SSBP3: variants seen among roughly 807,000 people sequenced by gnomAD.
The protein encoded by SSBP3 is single-stranded DNA-binding protein 3.
In SSBP3, 5 loss-of-function variants were observed where a neutral mutation model predicts 69.6. The ratio of observed to expected loss-of-function variants is 0.07; its 90% CI spans 0.04 to 0.15. The LOEUF (loss-of-function observed/expected upper bound fraction) is 0.15, where lower values mean the gene tolerates loss of function less well. Ranked by LOEUF, SSBP3 falls within the 10% of genes least tolerant of loss-of-function variation. The pLI, the probability that SSBP3 is intolerant of heterozygous loss-of-function variation, is 1.00. For synonymous variants in SSBP3, 196 were observed against 193.4 expected (o/e 1.01, Z -0.11); for missense variants, 312 against 534.0 (o/e 0.58, Z 4.10).
intron 5 of SSBP3, among the ~76,000 whole-genome samples, chr1:54,264,329 G>A (rs1383576620): frequency 6.6e-6 from 1 of 152,078 alleles, no homozygotes; most frequent in Admixed American, 6.5e-5. Flanking sequence ...ACCAAACCAA[G>A]AACAAAATAA....
At chr1:54,402,238 T>C (rs1292124139) in intron 3 of SSBP3, among the ~76,000 whole-genome samples, 1 of 152,206 alleles carries the variant, frequency 6.6e-6, no homozygotes, top group East Asian at 1.9e-4. Flanking sequence ...GGCAATTTTC[T>C]CTCCACTTTA....
intron 12 of SSBP3, 128 bp from the exon 13 acceptor site, chr1:54,241,087 A>C: frequency 1.0e-6 from 1 of 1,001,618 alleles, no homozygotes; most frequent in Non-Finnish European, 1.5e-6. Flanking sequence ...ATCTTGCTAC[A>C]CCCCCAGCGC....
At chr1:54,240,085 TGTGCGCGCGCGCGCGTGTGCGTGCGC>T (rs1314859416) in intron 13 of SSBP3, among the ~76,000 whole-genome samples, 32 of 38,566 alleles carry the variant, frequency 8.3e-4, no homozygotes, top group East Asian at 5.4e-3. Flanking sequence ...TGTGTGTGTG[TGTGCGCGCGCGCGCGTGTGCGTGCGC>T]GCGCGCGCGC....
chr1:54,288,802 A>G (rs1180481610), intron 4 of SSBP3, among the ~76,000 whole-genome samples: 1 of 152,000 alleles, frequency 6.6e-6, no homozygotes, highest in Admixed American at 6.6e-5. Flanking sequence ...GCGGATCACA[A>G]GGTCAGGAGA....
intron 4 of SSBP3, among the ~76,000 whole-genome samples, chr1:54,397,314 T>C (rs1251518281): frequency 6.6e-6 from 1 of 152,198 alleles, no homozygotes; most frequent in African/African-American, 2.4e-5. Flanking sequence ...GGACACTCCC[T>C]GCCTGGCAGG....
chr1:54,325,959 C>G (rs1199003817), intron 4 of SSBP3, among the ~76,000 whole-genome samples: 3 of 151,000 alleles, frequency 2.0e-5, no homozygotes, highest in Non-Finnish European at 4.4e-5. Flanking sequence ...CTCCCCCCCG[C>G]CACCCCCCAC....
intron 4 of SSBP3, among the ~76,000 whole-genome samples, chr1:54,289,444 A>G (rs1645565487): frequency 6.6e-6 from 1 of 152,116 alleles, no homozygotes; most frequent in African/African-American, 2.4e-5. Flanking sequence ...CATCAGATGC[A>G]TCAGCAAACA....
chr1:54,410,496 C>T (rs1313343092), upstream of SSBP3, among the ~76,000 whole-genome samples: 1 of 152,202 alleles, frequency 6.6e-6, no homozygotes, highest in East Asian at 1.9e-4. Context: ...CCGCTGGGGG[C>T]TGTTTCAGTG....
upstream of SSBP3, among the ~76,000 whole-genome samples, chr1:54,407,152 CG>C (rs1030949725): frequency 1.4e-5 from 2 of 147,354 alleles, no homozygotes; most frequent in Admixed American, 6.7e-5. Flanking sequence ...TTTGGGGAGC[CG>C]GGGGGGAGGG....
At chr1:54,330,653 G>A (rs535102717) in intron 4 of SSBP3, among the ~76,000 whole-genome samples, 6 of 152,298 alleles carry the variant, frequency 3.9e-5, no homozygotes, top group Non-Finnish European at 7.3e-5. Context: ...GTGAGGACAC[G>A]GGCTCTACCT....
At chr1:54,237,181 CG>C (rs1431431733) in intron 14 of SSBP3, 2 of 152,296 alleles carry the variant, frequency 1.3e-5, no homozygotes, top group African/African-American at 4.8e-5. Context: ...TTGACGCACT[CG>C]GAAGCACGAA....
At chr1:54,406,059 G>GCCA in exon 1 of SSBP3, 1 of 1,407,180 alleles carries the variant, frequency 7.1e-7, no homozygotes, top group Non-Finnish European at 9.4e-7. Context: ...CGCCGCCGCC[G>GCCA]CTACCGCTCC....
chr1:54,281,761 C>T (rs557550329), intron 4 of SSBP3, among the ~76,000 whole-genome samples: 231 of 152,262 alleles, frequency 1.5e-3, no homozygotes, highest in African/African-American at 5.0e-3. Flanking sequence ...GTCCGGCCCC[C>T]ACTGAGCAAG....
At chr1:54,403,324 C>G (rs773962568) in intron 3 of SSBP3, among the ~76,000 whole-genome samples, 43 of 152,164 alleles carry the variant, frequency 2.8e-4, no homozygotes, top group Non-Finnish European at 2.2e-4. Flanking sequence ...ATCTGCTTAC[C>G]TCCTCCACAC....
At chr1:54,355,785 T>C (rs1057041767) in intron 4 of SSBP3, among the ~76,000 whole-genome samples, 6 of 152,324 alleles carry the variant, frequency 3.9e-5, no homozygotes, top group East Asian at 1.9e-4. Flanking sequence ...AAGGCGGCTA[T>C]TGTATGCAGG....
chr1:54,324,804 A>G lies in SSBP3; in HGVS notation c.277-43277T>C, dbSNP rs375140015. The stretch of plus-strand genomic sequence containing the variant: ...CTGTGATTTAGTACGCTGGCCCCTG[A>G]GAACAGGCAGGTCCAATATGTCGGT... On this transcript the variant is annotated intron_variant, in intron 4 of 17. Transcript: ENST00000610401. 2.4e-4 allele frequency among the ~76,000 whole-genome samples: 37 copies of G among 152,330 alleles called. 1 individual carries two copies. The highest frequency in any genetic ancestry group is 8.2e-4 in the African/African-American group (34 of 41,562).
chr1:54,240,314 C>T (rs865892610), intron 13 of SSBP3, among the ~76,000 whole-genome samples: 29 of 151,180 alleles, frequency 1.9e-4, no homozygotes, highest in African/African-American at 5.1e-4. Context: ...AAAAATTAGC[C>T]GGGCATGGTG....
At chr1:54,251,487 G>T in intron 9 of SSBP3, 129 bp downstream of exon 9, 2 of 1,015,572 alleles carry the variant, frequency 2.0e-6, no homozygotes, top group Non-Finnish European at 3.0e-6. Flanking sequence ...AGCAGGGGAT[G>T]CGGCCATGCC....
At chr1:54,253,097 TG>T (rs1056073191) in intron 7 of SSBP3, among the ~76,000 whole-genome samples, 2 of 151,558 alleles carry the variant, frequency 1.3e-5, no homozygotes, top group African/African-American at 4.9e-5. Context: ...CGGGTATGTG[TG>T]GTTAAGGTAC....
Sources: allele counts gnomAD v4.1 joint callset (sites outside exome capture counted in the v4.1 genomes callset), GRCh38; gene constraint gnomAD v4.1.1; transcripts MANE v1.5; gene names NCBI Gene and HGNC (gene_info 2026-07-23, HGNC 2026-07-21).